SPIN1: variants seen among roughly 807,000 people sequenced by gnomAD.
SPIN1 encodes spindlin 1.
A neutral mutation model predicts 26.0 loss-of-function variants in SPIN1; 3 were observed. The ratio of observed to expected loss-of-function variants is 0.12; its 90% CI spans 0.05 to 0.30. SPIN1 has a LOEUF of 0.30. Ranked by LOEUF, SPIN1 falls within the 10% of genes least tolerant of loss-of-function variation. The probability of loss-of-function intolerance (pLI) is 1.00; values close to 1 mark genes in which losing one functional copy is unlikely to be tolerated. For synonymous variants in SPIN1, 101 were observed against 116.5 expected, an observed-to-expected ratio of 0.87 and a Z score of 0.86; for missense variants, 126 against 333.4, an observed-to-expected ratio of 0.38 and a Z score of 4.84.
At chr9:88,419,646 T>TG (rs1827635119) in intron 1 of SPIN1, among the ~76,000 whole-genome samples, 1 of 152,236 alleles carries the variant, frequency 6.6e-6, no homozygotes, top group African/African-American at 2.4e-5. Context: ...TAATTTCTTA[T>TG]GAAAAATTTG....
intron 1 of SPIN1, among the ~76,000 whole-genome samples, chr9:88,401,084 T>C (rs2117904667): frequency 6.6e-6 from 1 of 152,334 alleles, no homozygotes; most frequent in East Asian, 1.9e-4. Flanking sequence ...GGTGGAACTG[T>C]ACTTTGCTAG....
intron 3 of SPIN1, among the ~76,000 whole-genome samples, chr9:88,456,109 A>C (rs1261193660): frequency 1.3e-5 from 2 of 152,158 alleles, no homozygotes; most frequent in Non-Finnish European, 2.9e-5. Context: ...CTTTTGATAA[A>C]TTTGTAGATG....
intron 1 of SPIN1, among the ~76,000 whole-genome samples, chr9:88,394,466 A>G (rs1253522104): frequency 3.3e-5 from 5 of 152,212 alleles, no homozygotes; most frequent in Admixed American, 6.5e-5. Context: ...TGATTTTTAT[A>G]TTGGTATTTC....
intron 2 of SPIN1, among the ~76,000 whole-genome samples, chr9:88,444,042 C>T (rs1225279681): frequency 6.6e-6 from 1 of 152,012 alleles, no homozygotes; most frequent in Non-Finnish European, 1.5e-5. Flanking sequence ...CCGCCTGCCT[C>T]TCCAGTTTTG....
chr9:88,473,775 G>T (rs1334560722), intron 5 of SPIN1, among the ~76,000 whole-genome samples: 2 of 152,018 alleles, frequency 1.3e-5, no homozygotes, highest in South Asian at 4.1e-4. Context: ...GCCTCTACAT[G>T]ACTCCCTTGG....
rs543747916 is a variant in SPIN1, at chr9:88,451,133, G to A, written c.101+2144G>A. Among the ~76,000 whole-genome samples the A allele has an allele frequency of 3.9e-5, 6 of 152,048 alleles. No individual in the cohort carries two copies. In the South Asian group the frequency reaches 1.2e-3, roughly 32 times the overall value. On this transcript the variant is annotated intron_variant, in intron 3 of 5. Coordinates refer to ENST00000375859, the MANE Select transcript of SPIN1 (RefSeq NM_006717.3). ...AATATAAAAAAAAAACAGAACTATAGCATCCCTCTCCCCTTCACTTTTTCC... is the reference window on the plus strand; with the variant it reads ...AATATAAAAAAAAAACAGAACTATAACATCCCTCTCCCCTTCACTTTTTCC...
chr9:88,393,132 CTTT>C (rs79661252), intron 1 of SPIN1, among the ~76,000 whole-genome samples: 6 of 124,858 alleles, frequency 4.8e-5, no homozygotes, highest in African/African-American at 1.4e-4. Flanking sequence ...GTTAAATGTG[CTTT>C]TTTTTTTTTT....
intron 2 of SPIN1, among the ~76,000 whole-genome samples, chr9:88,439,748 A>G (rs1262247510): frequency 1.3e-5 from 2 of 152,104 alleles, no homozygotes; most frequent in Non-Finnish European, 2.9e-5. Flanking sequence ...TTTATCTTTG[A>G]TAACTTTTCT....
In SPIN1 at chr9:88,426,492, AT is replaced by A; in HGVS notation, c.-44del. The A allele has an allele frequency of 1.3e-6, 2 of 1,520,034 alleles. No homozygotes were observed. Among genetic ancestry groups the A allele is most frequent in the Non-Finnish European group, 1.8e-6 (2 of 1,103,062 alleles). 94.2% of individuals were successfully genotyped at this position (1,520,034 alleles called of 1,614,324 possible). A position where few individuals can be genotyped will look rare whatever the true frequency, so the allele number is the denominator to read the frequency against. On this transcript the variant is annotated 5_prime_UTR_variant, in exon 2 of 6. Transcript: ENST00000375859. ...AAAGTTTCAAATTGGAGAATATTGA[AT>A]TTTCACCCTAGTCCAGCAGCTCCGC...
Position 88,475,436 on chromosome 9 carries a change from A to C in SPIN1, c.*159A>C. On this transcript the variant is annotated 3_prime_UTR_variant, in exon 6 of 6. Transcript: ENST00000375859. Reference sequence around the variant, plus strand: ...GTTTTGTTCTGAATAGTACAGATTGATGTGAACACAAAGCATTTTGTGTAA... The same window carrying C: ...GTTTTGTTCTGAATAGTACAGATTGCTGTGAACACAAAGCATTTTGTGTAA... The C allele has an allele frequency of 1.6e-6, 1 of 608,324 alleles. No homozygotes were observed. The highest frequency in any genetic ancestry group is 2.9e-5 in the South Asian group (1 of 34,106). 37.7% of individuals were successfully genotyped at this position (608,324 alleles called of 1,614,324 possible). A position where few individuals can be genotyped will look rare whatever the true frequency, so the allele number is the denominator to read the frequency against.
chr9:88,409,907 A>C (rs934584894), intron 1 of SPIN1, among the ~76,000 whole-genome samples: 1 of 151,726 alleles, frequency 6.6e-6, no homozygotes, highest in Non-Finnish European at 1.5e-5. Flanking sequence ...CTCCTTCTTA[A>C]GTTCAGCAAT....
intron 2 of SPIN1, among the ~76,000 whole-genome samples, chr9:88,436,921 C>T (rs111473856): frequency 0.066 from 10,005 of 151,616 alleles, 1,075 homozygotes; most frequent in African/African-American, 0.23. Context: ...CCCGCCACTA[C>T]GCCCGGCTAT....
Position 88,460,450 on chromosome 9 carries a change from C to T in SPIN1, c.102-2046C>T, listed in dbSNP as rs78326596. Among the ~76,000 whole-genome samples, 72 of 152,252 alleles carry T rather than the reference C, an allele frequency of 4.7e-4. No homozygotes were observed. The East Asian group carries it at 0.011, about 24-fold the overall frequency. On this transcript the variant is annotated intron_variant, in intron 3 of 5. Coordinates refer to ENST00000375859, the MANE Select transcript of SPIN1 (RefSeq NM_006717.3). ...TGATACATGTTCTTACGTTAGGGTT[C>T]TCCAGGGAAATAGAATCGTTGGGAA...
intron 1 of SPIN1, among the ~76,000 whole-genome samples, chr9:88,402,081 T>C (rs1481353478): frequency 6.6e-6 from 1 of 152,156 alleles, no homozygotes; most frequent in African/African-American, 2.4e-5. Context: ...ACCTCTTGCC[T>C]CCTGGGTTCA....
At chr9:88,393,276 C>T (rs1826971751) in intron 1 of SPIN1, among the ~76,000 whole-genome samples, 1 of 151,034 alleles carries the variant, frequency 6.6e-6, no homozygotes, top group Non-Finnish European at 1.5e-5. Flanking sequence ...AGCGTGTTAA[C>T]AAAATAGGCA....
chr9:88,406,365 A>G (rs1197661854), intron 1 of SPIN1, among the ~76,000 whole-genome samples: 1 of 148,916 alleles, frequency 6.7e-6, no homozygotes, highest in Non-Finnish European at 1.5e-5. Flanking sequence ...GACTCGGTTC[A>G]CTGCAAGCTC....
At chr9:88,404,302 AAATT>A (rs1248476523) in intron 1 of SPIN1, among the ~76,000 whole-genome samples, 4 of 152,234 alleles carry the variant, frequency 2.6e-5, no homozygotes, top group Non-Finnish European at 5.9e-5. Flanking sequence ...AGGCTACACT[AAATT>A]TATAGAAAAA....
At chr9:88,416,715 C>T (rs1827572782) in intron 1 of SPIN1, 1 of 152,274 alleles carries the variant, frequency 6.6e-6, no homozygotes, top group Non-Finnish European at 1.5e-5. Context: ...CCTCCGCCTC[C>T]TGAGTTCAAG....
rs540178773 is a variant in SPIN1, at chr9:88,398,556, T to G, written c.-159+10018T>G. Reference sequence around the variant, plus strand: ...ACAGGTGTTTGTCATACAGTGATTATTAAGTAACAATTTGTTGACTTTTAT... The same window carrying G: ...ACAGGTGTTTGTCATACAGTGATTAGTAAGTAACAATTTGTTGACTTTTAT... On this transcript the variant is annotated intron_variant, in intron 1 of 5. Transcript: ENST00000375859. Among the ~76,000 whole-genome samples, 19 of 152,156 alleles carry G rather than the reference T, an allele frequency of 1.2e-4. No homozygotes were observed. The South Asian group carries it at 2.5e-3, about 20-fold the overall frequency.
Sources: allele counts gnomAD v4.1 joint callset (sites outside exome capture counted in the v4.1 genomes callset), GRCh38; gene constraint gnomAD v4.1.1; transcripts MANE v1.5; gene names NCBI Gene and HGNC (gene_info 2026-07-23, HGNC 2026-07-21).